ACOT7: variants seen among roughly 807,000 people sequenced by gnomAD.
The protein encoded by ACOT7 is cytosolic acyl coenzyme A thioester hydrolase.
Under a neutral mutation model 40.2 loss-of-function variants are expected in ACOT7, and 12 were observed. The observed-to-expected ratio is 0.30, with a 90% CI of 0.19 to 0.48. The LOEUF is 0.48. Among genes scored for constraint, ACOT7 ranks in the 20% least tolerant of loss-of-function variants. The probability of loss-of-function intolerance (pLI) is 0.99; values close to 1 mark genes in which losing one functional copy is unlikely to be tolerated. For missense variants in ACOT7, 395 were observed against 530.8 expected (o/e 0.74, Z 2.51); for synonymous variants, 228 against 219.5 (o/e 1.04, Z -0.34).
chr1:6,284,576 CAAAAAAAAAAAAA>C (rs561943319), intron 7 of ACOT7, among the ~76,000 whole-genome samples: 1 of 57,980 alleles, frequency 1.7e-5, no homozygotes, highest in African/African-American at 6.5e-5. Context: ...AACTCCATCT[CAAAAAAAAAAAAA>C]AAAAAAAAAA....
chr1:6,333,447 C>T (rs781491602), intron 4 of ACOT7, 30 bp downstream of exon 4: 2 of 1,612,412 alleles, frequency 1.2e-6, no homozygotes, highest in Non-Finnish European at 1.7e-6. Flanking sequence ...GCCATCTGCC[C>T]CCAAGAGAGA....
intron 6 of ACOT7, among the ~76,000 whole-genome samples, chr1:6,315,974 C>T (rs142266638): frequency 2.6e-5 from 4 of 152,272 alleles, no homozygotes; most frequent in Non-Finnish European, 5.9e-5. Context: ...TCTCCAGTGA[C>T]TTCTCCCACT....
At chr1:6,372,854 G>C (rs983493600) in intron 1 of ACOT7, among the ~76,000 whole-genome samples, 1 of 152,060 alleles carries the variant, frequency 6.6e-6, no homozygotes, top group Admixed American at 6.6e-5. Flanking sequence ...CTGGCCTCCG[G>C]CTTTTGGCTT....
At chr1:6,291,114 C>A (rs1639650253) in intron 7 of ACOT7, among the ~76,000 whole-genome samples, 1 of 152,138 alleles carries the variant, frequency 6.6e-6, no homozygotes, top group African/African-American at 2.4e-5. Context: ...ATGAGTTGAG[C>A]TTTAAGGAGA....
rs1639349819 is a variant in ACOT7 at position 6,281,227 on chromosome 1, C to T, written c.889G>A (p.Glu297Lys). 1.2e-6 allele frequency: 2 copies of T among 1,613,956 alleles called. No homozygotes were observed. The highest frequency in any genetic ancestry group is 1.7e-6 in the Non-Finnish European group (2 of 1,180,030). ...TFTSNKSMEI[E>K]VLVDADPVVD... is the part of the protein sequence containing the mutation. ...ACAGGGTCGGCGTCCACCAACACCT[C>T]GATCTCCATGGACTTATTGCTCGTG... is the stretch of plus-strand genomic sequence containing the variant. Residue 297 changes from glutamate to lysine, a missense_variant, in exon 8 of 9, where the codon GAG (glutamate) becomes AAG (lysine). By Grantham distance (56) the Glu-to-Lys change is moderately conservative. Transcript: ENST00000361521.
intron 1 of ACOT7, among the ~76,000 whole-genome samples, chr1:6,365,685 G>A (rs765560717): frequency 1.3e-5 from 2 of 150,522 alleles, no homozygotes; most frequent in Admixed American, 6.6e-5. Context: ...GAAGAATGGC[G>A]TAAACCCGGG....
intron 4 of ACOT7, among the ~76,000 whole-genome samples, chr1:6,328,596 C>A (rs375886947): frequency 6.6e-6 from 1 of 152,106 alleles, no homozygotes; most frequent in Non-Finnish European, 1.5e-5. Context: ...GCAAGGGAAT[C>A]GCTTGAATCC....
rs755119801 is a variant in ACOT7 at position 6,274,256 on chromosome 1, G to A, written c.1014+6846C>T. Among the ~76,000 whole-genome samples, 9 of 152,188 alleles carry A rather than the reference G, an allele frequency of 5.9e-5. No individual in the cohort carries two copies. The highest frequency in any genetic ancestry group is 1.2e-4 in the Non-Finnish European group (8 of 68,026). On this transcript the variant is annotated intron_variant, in intron 8 of 8. Transcript: ENST00000361521. This position sits in a 1 kb window ranked among gnomAD's most constrained non-coding sequence, Gnocchi z 5.9. ...AGGGAACTTGGGGTAACAGCCTGGC[G>A]ACGGCTCAAGACAGCCACAGCCAAG... is the stretch of plus-strand genomic sequence containing the variant.
Position 6,327,353 on chromosome 1 carries a change from G to A in ACOT7, c.571C>T (p.Arg191Cys). The stretch of plus-strand genomic sequence containing the variant: ...CCGTTCCTCCACTTGGTCTCCATGC[G>A]CTCCAGCTTCTGGGCTTCATACCGC... ...RKRYEAQKLE[R>C]METKWRNGDI... Residue 191 changes from arginine (R) to cysteine (C), a missense_variant, in exon 5 of 9, where the codon CGC becomes TGC. This residue lies in a region of ACOT7 where 309 missense variants were observed against 470.3 expected (regional missense o/e 0.66). Transcript: ENST00000361521. 6.2e-7 allele frequency: 1 copy of A among 1,614,154 alleles called. No homozygotes were observed. Among genetic ancestry groups the A allele is most frequent in the Non-Finnish European group, 8.5e-7 (1 of 1,180,020 alleles).
At chr1:6,369,369 T>G (rs1005439459) in intron 1 of ACOT7, among the ~76,000 whole-genome samples, 1 of 151,246 alleles carries the variant, frequency 6.6e-6, no homozygotes, top group Admixed American at 6.6e-5. Context: ...AGAACCACTA[T>G]GGCAGCCAGA....
At chr1:6,353,534 T>C (rs1047508540) in intron 1 of ACOT7, among the ~76,000 whole-genome samples, 4 of 152,116 alleles carry the variant, frequency 2.6e-5, no homozygotes, top group African/African-American at 9.7e-5. Context: ...GTCAGGAGGC[T>C]GAGGCAGGAG....
chr1:6,337,109 C>T (rs1390473366), intron 3 of ACOT7, among the ~76,000 whole-genome samples: 1 of 152,260 alleles, frequency 6.6e-6, no homozygotes. Flanking sequence ...CTCCAAGCCT[C>T]ACGCGCACGA....
Position 6,278,612 on chromosome 1 carries a change from G to C in ACOT7, c.1014+2490C>G, listed in dbSNP as rs549678394. On this transcript the variant is annotated intron_variant, in intron 8 of 8. Transcript: ENST00000361521. The surrounding 1 kb of genome is among the most constrained non-coding windows in gnomAD (Gnocchi z 4.1). Reference sequence around the variant, plus strand: ...TATTTGTGATGCTTTTGGGAACCCTGTTGAGGGGCAGCACTGGCCAAGTCA... The same window carrying C: ...TATTTGTGATGCTTTTGGGAACCCTCTTGAGGGGCAGCACTGGCCAAGTCA... 1.3e-5 allele frequency among the ~76,000 whole-genome samples: 2 copies of C among 152,340 alleles called. No homozygotes were observed. The highest frequency in any genetic ancestry group is 4.1e-4 in the South Asian group (2 of 4,824).
In ACOT7 at chr1:6,301,234, G is replaced by A. The variant is rs575691135; in HGVS notation, c.713-6254C>T. ...AGGAAGTGCCTACAATTAACCCCTT[G>A]TTCTTCCATCCTGAAAAGCAGAATG... On this transcript the variant is annotated intron_variant, in intron 6 of 8. Coordinates refer to ENST00000361521, the MANE Select transcript of ACOT7 (RefSeq NM_007274.4). This position sits in a 1 kb window ranked among gnomAD's most constrained non-coding sequence, Gnocchi z 4.1. 1.3e-5 allele frequency among the ~76,000 whole-genome samples: 2 copies of A among 152,308 alleles called. No homozygotes were observed. The highest frequency in any genetic ancestry group is 4.1e-4 in the South Asian group (2 of 4,824).
intron 1 of ACOT7, among the ~76,000 whole-genome samples, chr1:6,389,799 A>T (rs1156732445): frequency 6.6e-6 from 1 of 151,804 alleles, no homozygotes; most frequent in African/African-American, 2.4e-5. Context: ...AAGAAAGAAA[A>T]AAAAGCCCCT....
intron 1 of ACOT7, chr1:6,385,446 C>T (rs767401224): frequency 1.5e-5 from 23 of 1,567,722 alleles, no homozygotes; most frequent in East Asian, 4.5e-5. Context: ...GCCCAGTCGG[C>T]GTCGCAAGTG....
intron 1 of ACOT7, among the ~76,000 whole-genome samples, chr1:6,370,127 C>T (rs1642100444): frequency 6.6e-6 from 1 of 152,142 alleles, no homozygotes; most frequent in African/African-American, 2.4e-5. Flanking sequence ...TCTGGGAGAA[C>T]TAATAGTTAA....
intron 1 of ACOT7, among the ~76,000 whole-genome samples, chr1:6,383,496 A>G (rs1642386238): frequency 6.7e-6 from 1 of 149,582 alleles, no homozygotes; most frequent in Non-Finnish European, 1.5e-5. Flanking sequence ...CTGATGGCAG[A>G]TTTTTTTAAC....
At chr1:6,284,624 C>T (rs1047861458) in intron 7 of ACOT7, among the ~76,000 whole-genome samples, 1 of 150,912 alleles carries the variant, frequency 6.6e-6, no homozygotes, top group East Asian at 1.9e-4. Context: ...CAGCTACAGG[C>T]ACTTTGTCAA....
Sources: allele counts gnomAD v4.1 joint callset (sites outside exome capture counted in the v4.1 genomes callset), GRCh38; gene constraint gnomAD v4.1.1; regional missense constraint gnomAD v4.1.1; non-coding constraint Gnocchi (gnomAD v3.1); transcripts MANE v1.5; gene names NCBI Gene and HGNC (gene_info 2026-07-23, HGNC 2026-07-21).